SRRM4: variants seen among roughly 807,000 people sequenced by gnomAD.
The protein encoded by SRRM4 is serine/arginine repetitive matrix 4, also known as serine/arginine repetitive matrix protein 4.
In SRRM4, 33 loss-of-function variants were observed where a neutral mutation model predicts 68.9. The ratio of observed to expected loss-of-function variants is 0.48; its 90% CI spans 0.36 to 0.64. The LOEUF (loss-of-function observed/expected upper bound fraction) is 0.64. Among genes scored for constraint, SRRM4 ranks in the 30% least tolerant of loss-of-function variants. The pLI is 0.00. For missense variants in SRRM4, 817 were observed against 827.1 expected, an observed-to-expected ratio of 0.99 and a Z score of 0.15; for synonymous variants, 318 against 318.8, an observed-to-expected ratio of 1.00 and a Z score of 0.03.
At chr12:119,060,255 T>A (rs754890884) in intron 1 of SRRM4, among the ~76,000 whole-genome samples, 15 of 151,722 alleles carry the variant, frequency 9.9e-5, no homozygotes, top group Non-Finnish European at 2.1e-4. Context: ...CTCTTTTCCT[T>A]GGAATTACTC....
chr12:119,102,332 T>A lies in SRRM4; in HGVS notation c.228T>A (p.Ser76Arg). Residue 76 changes from serine to arginine, a missense_variant, in exon 2 of 13, where the codon AGT (serine) becomes AGA (arginine). Coordinates refer to ENST00000267260, the MANE Select transcript of SRRM4 (RefSeq NM_194286.4). The stretch of plus-strand genomic sequence containing the variant: ...CCACCGAGCCCTTGGGCACCAACAG[T>A]TGGGAGAGAGACAAGACCTGTCGGG... ...HLATEPLGTN[S>R]WERDKTCREL... 1 of 1,612,668 alleles carries A rather than the reference T, an allele frequency of 6.2e-7. No homozygotes were observed.
In SRRM4 at chr12:119,158,491, C is replaced by G. The variant is rs997350840; in HGVS notation, c.*1693C>G. ...AACCACCACCACGACAGCCCTTCCT[C>G]CATCAGAAGACAGGAGTGAGGGCCC... is the stretch of plus-strand genomic sequence containing the variant. On this transcript the variant is annotated 3_prime_UTR_variant, in exon 13 of 13. Transcript: ENST00000267260. 1 of 152,520 alleles carries G rather than the reference C, an allele frequency of 6.6e-6. No individual in the cohort carries two copies. Among genetic ancestry groups the G allele is most frequent in the African/African-American group, 2.4e-5 (1 of 41,470 alleles). 9.4% of individuals were successfully genotyped at this position (152,520 alleles called of 1,614,324 possible). A position where few individuals can be genotyped will look rare whatever the true frequency, so the allele number is the denominator to read the frequency against.
intron 11 of SRRM4, 75 bp downstream of exon 11, chr12:119,153,724 C>T: frequency 1.8e-6 from 2 of 1,110,850 alleles, no homozygotes; most frequent in South Asian, 1.4e-5. Flanking sequence ...TCTGGCCCCG[C>T]CTCCCCGTTC....
At chr12:119,068,004 C>G (rs1032370771) in intron 1 of SRRM4, among the ~76,000 whole-genome samples, 1 of 152,214 alleles carries the variant, frequency 6.6e-6, no homozygotes, top group Non-Finnish European at 1.5e-5. Flanking sequence ...GTGGCACACA[C>G]CTTACCTAGC....
intron 1 of SRRM4, among the ~76,000 whole-genome samples, chr12:119,083,153 C>A (rs1188982879): frequency 1.3e-5 from 2 of 151,964 alleles, no homozygotes; most frequent in Admixed American, 6.6e-5. Flanking sequence ...CAGGCACAGC[C>A]AAAGTAGCCA....
chr12:119,033,630 G>C (rs1953607496), intron 1 of SRRM4, among the ~76,000 whole-genome samples: 1 of 150,534 alleles, frequency 6.6e-6, no homozygotes, highest in African/African-American at 2.5e-5. Context: ...TTCCACTGCA[G>C]TCCAGCCTGG....
At chr12:119,003,932 C>T (rs1377415428) in intron 1 of SRRM4, among the ~76,000 whole-genome samples, 1 of 151,914 alleles carries the variant, frequency 6.6e-6, no homozygotes, top group Admixed American at 6.5e-5. Context: ...GCAAAAAGTA[C>T]AGGGAATAGA....
chr12:119,053,898 T>C (rs151149542), intron 1 of SRRM4, among the ~76,000 whole-genome samples: 68 of 152,342 alleles, frequency 4.5e-4, no homozygotes, highest in African/African-American at 1.5e-3. Context: ...AATCCAATTA[T>C]ACTCTTTTAT....
chr12:119,115,131 G>A (rs1214232303), intron 3 of SRRM4, among the ~76,000 whole-genome samples: 1 of 151,968 alleles, frequency 6.6e-6, no homozygotes, highest in Non-Finnish European at 1.5e-5. Context: ...AAGGCTCACA[G>A]AGGTGGTGAC....
At chr12:119,113,171 T>A (rs1422154247) in intron 2 of SRRM4, among the ~76,000 whole-genome samples, 3 of 152,236 alleles carry the variant, frequency 2.0e-5, no homozygotes, top group African/African-American at 7.2e-5. Flanking sequence ...CCCTGGCATA[T>A]ATTCTAACCA....
At chr12:119,103,567 A>G (rs1311206203) in intron 2 of SRRM4, among the ~76,000 whole-genome samples, 2 of 152,230 alleles carry the variant, frequency 1.3e-5, no homozygotes, top group African/African-American at 4.8e-5. Flanking sequence ...AGAGAGAGAA[A>G]CAGTTAAGCC....
chr12:119,116,053 TC>T (rs138705161), intron 3 of SRRM4, among the ~76,000 whole-genome samples: 10,379 of 152,164 alleles, frequency 0.068, 392 homozygotes, highest in Admixed American at 0.1. Flanking sequence ...CCTCTCTGGT[TC>T]CCCCACAGTC....
intron 1 of SRRM4, among the ~76,000 whole-genome samples, chr12:119,070,230 A>C (rs961042197): frequency 6.6e-6 from 1 of 152,138 alleles, no homozygotes; most frequent in African/African-American, 2.4e-5. Context: ...AAAAAAAAAA[A>C]AAACTAGCCA....
In SRRM4 at chr12:118,981,749, T is replaced by A; in HGVS notation, c.-134T>A. 132 of 653,260 alleles carry A rather than the reference T, an allele frequency of 2.0e-4. No homozygotes were observed. The highest frequency in any genetic ancestry group is 4.6e-4 in the East Asian group (9 of 19,576). The allele number at this position is 653,260 out of a possible 1,614,324, so 40.5% of individuals were successfully genotyped here. On this transcript the variant is annotated 5_prime_UTR_variant, in exon 1 of 13. Coordinates refer to ENST00000267260, the MANE Select transcript of SRRM4 (RefSeq NM_194286.4). Reference sequence around the variant, plus strand: ...GGGCGTCCCATCCCCCGCCCTGAACTCCGATCTCTCCCACCCCACCCCTCT... The same window carrying A: ...GGGCGTCCCATCCCCCGCCCTGAACACCGATCTCTCCCACCCCACCCCTCT...
At chr12:119,048,237 G>A (rs976385688) in intron 1 of SRRM4, among the ~76,000 whole-genome samples, 6 of 152,286 alleles carry the variant, frequency 3.9e-5, no homozygotes, top group South Asian at 2.1e-4. Flanking sequence ...TGGAGAGGGC[G>A]GTAAAGCCAA....
chr12:119,064,616 A>C (rs549593321), intron 1 of SRRM4, among the ~76,000 whole-genome samples: 33 of 152,282 alleles, frequency 2.2e-4, no homozygotes, highest in African/African-American at 7.2e-4. Flanking sequence ...AAGCCACTTA[A>C]CCTCATTTTC....
At chr12:119,052,788 C>T (rs1953752470) in intron 1 of SRRM4, among the ~76,000 whole-genome samples, 1 of 152,174 alleles carries the variant, frequency 6.6e-6, no homozygotes, top group African/African-American at 2.4e-5. Flanking sequence ...CTCGGCCTCC[C>T]AAAGTGCTGG....
At chr12:119,114,195 G>T (rs1442525237) in intron 2 of SRRM4, 83 bp from the exon 3 acceptor site, 1 of 1,191,186 alleles carries the variant, frequency 8.4e-7, no homozygotes, top group East Asian at 2.5e-5. Context: ...CAAGGACCTG[G>T]GTCCTTCCCT....
At chr12:119,130,197 T>C (rs899223643) in intron 7 of SRRM4, among the ~76,000 whole-genome samples, 3 of 149,042 alleles carry the variant, frequency 2.0e-5, no homozygotes, top group African/African-American at 7.4e-5. Flanking sequence ...GATGGATAGA[T>C]GGTTGCTTAG....
Sources: gnomAD v4.1 joint callset for allele counts (sites outside exome capture counted in the v4.1 genomes callset) on GRCh38, gnomAD v4.1.1 for gene constraint, MANE v1.5 for transcripts, NCBI Gene and HGNC (gene_info 2026-07-23, HGNC 2026-07-21) for gene names.